The following MYRIP variants were observed in gnomAD, a reference collection of about 807,000 sequenced individuals.
MYRIP encodes myosin VIIA and Rab interacting protein.
A neutral mutation model predicts 98.0 loss-of-function variants in MYRIP; 49 were observed. The ratio of observed to expected loss-of-function variants is 0.50; its 90% CI spans 0.40 to 0.63. MYRIP has a LOEUF of 0.63. MYRIP is among the 30% of genes least tolerant of loss of function. MYRIP has a pLI of 0.00. For missense variants in MYRIP, 1,004 were observed against 1,058.2 expected (o/e 0.95, Z 0.71); for synonymous variants, 404 against 409.5 (o/e 0.99, Z 0.16).
chr3:40,043,799 A>C (rs1197311917), intron 2 of MYRIP, among the ~76,000 whole-genome samples: 1 of 152,240 alleles, frequency 6.6e-6, no homozygotes, highest in East Asian at 1.9e-4. Flanking sequence ...CTGAAATGGA[A>C]GTGATAATGT....
At chr3:39,849,020 C>A (rs537244336) in intron 1 of MYRIP, among the ~76,000 whole-genome samples, 1 of 152,278 alleles carries the variant, frequency 6.6e-6, no homozygotes, top group African/African-American at 2.4e-5. Context: ...ATGTATTCTT[C>A]CAGTTCTGTG....
intron 2 of MYRIP, among the ~76,000 whole-genome samples, chr3:40,005,713 A>T (rs775250831): frequency 1.6e-4 from 24 of 152,366 alleles, no homozygotes; most frequent in Non-Finnish European, 2.2e-4. Context: ...GAACCATGTC[A>T]TGCCCGTCTT....
chr3:39,869,308 C>T (rs1942714788), intron 1 of MYRIP, among the ~76,000 whole-genome samples: 1 of 151,954 alleles, frequency 6.6e-6, no homozygotes, highest in African/African-American at 2.4e-5. Context: ...TTCAAGTTAC[C>T]TGATTATTTC....
intron 1 of MYRIP, among the ~76,000 whole-genome samples, chr3:39,871,983 C>T (rs1327865893): frequency 6.6e-6 from 1 of 151,938 alleles, no homozygotes; most frequent in Non-Finnish European, 1.5e-5. Context: ...CTGTCACACA[C>T]CATAGATGCT....
intron 3 of MYRIP, among the ~76,000 whole-genome samples, chr3:40,147,612 A>G (rs1950036419): frequency 6.6e-6 from 1 of 152,178 alleles, no homozygotes; most frequent in Non-Finnish European, 1.5e-5. Flanking sequence ...ATGGGTCATC[A>G]TCTTTCTTCT....
intron 16 of MYRIP, among the ~76,000 whole-genome samples, chr3:40,255,188 A>G (rs187008281): frequency 6.6e-6 from 1 of 152,296 alleles, no homozygotes; most frequent in Non-Finnish European, 1.5e-5. Flanking sequence ...GCAGACCACT[A>G]GTGTCAGGGA....
intron 4 of MYRIP, among the ~76,000 whole-genome samples, chr3:40,155,061 TA>T (rs1950196061): frequency 6.6e-6 from 1 of 152,012 alleles, no homozygotes; most frequent in Non-Finnish European, 1.5e-5. Context: ...TACATATGTA[TA>T]CATGTGCCAT....
chr3:40,065,754 T>A (rs1181494678), intron 3 of MYRIP, among the ~76,000 whole-genome samples: 1 of 152,190 alleles, frequency 6.6e-6, no homozygotes, highest in African/African-American at 2.4e-5. Flanking sequence ...TGTGGCTCTG[T>A]TGTCCCCCAT....
chr3:39,944,239 G>T (rs893553351), intron 2 of MYRIP, among the ~76,000 whole-genome samples: 1 of 152,046 alleles, frequency 6.6e-6, no homozygotes, highest in Non-Finnish European at 1.5e-5. Flanking sequence ...TCCTACAGAT[G>T]TACTTCACAG....
chr3:40,066,655 C>A (rs1575509436), intron 3 of MYRIP, among the ~76,000 whole-genome samples: 1 of 152,186 alleles, frequency 6.6e-6, no homozygotes, highest in Non-Finnish European at 1.5e-5. Context: ...GAATTGAAAT[C>A]CTAAAATTTA....
Position 40,225,969 on chromosome 3 carries a change from A to G in MYRIP, c.1906-7890A>G, listed in dbSNP as rs144405822. 1.5e-3 allele frequency among the ~76,000 whole-genome samples: 225 copies of G among 152,242 alleles called. 1 individual carries two copies. Among genetic ancestry groups the G allele is most frequent in the African/African-American group, 5.2e-3 (214 of 41,532 alleles). ...GTTACCTGGATGTCCACTGTCCCTAATAGTTCCCCCTAAGGAACATTTGTA... is the reference window on the plus strand; with the variant it reads ...GTTACCTGGATGTCCACTGTCCCTAGTAGTTCCCCCTAAGGAACATTTGTA... On this transcript the variant is annotated intron_variant, in intron 11 of 16. Transcript: ENST00000302541.
chr3:39,917,169 A>G (rs1471470220), intron 2 of MYRIP, among the ~76,000 whole-genome samples: 1 of 152,042 alleles, frequency 6.6e-6, no homozygotes, highest in Non-Finnish European at 1.5e-5. Context: ...AATAGAGTCA[A>G]CATACATATG....
chr3:39,905,931 T>TCTGTCATCTGGAATCTAAATTC (rs1943868494), intron 2 of MYRIP, among the ~76,000 whole-genome samples: 1 of 152,174 alleles, frequency 6.6e-6, no homozygotes, highest in African/African-American at 2.4e-5. Flanking sequence ...GTTTGCTTTG[T>TCTGTCATCTGGAATCTAAATTC]CTGTCATCTG....
chr3:39,867,932 G>T (rs1942672666), intron 1 of MYRIP, among the ~76,000 whole-genome samples: 1 of 152,148 alleles, frequency 6.6e-6, no homozygotes, highest in South Asian at 2.1e-4. Flanking sequence ...ATGAAGAAAA[G>T]GTGAGATTGA....
At chr3:40,188,894 G>A (rs1387288435) in intron 9 of MYRIP, among the ~76,000 whole-genome samples, 1 of 152,172 alleles carries the variant, frequency 6.6e-6, no homozygotes, top group African/African-American at 2.4e-5. Context: ...AGACACGTGG[G>A]AAGAAAGCAT....
intron 1 of MYRIP, among the ~76,000 whole-genome samples, chr3:39,865,198 C>A (rs1207205452): frequency 6.6e-6 from 1 of 152,096 alleles, no homozygotes; most frequent in East Asian, 1.9e-4. Flanking sequence ...ACTATAAAAA[C>A]CTTAGACGAT....
chr3:40,153,887 A>C (rs1231354890), intron 4 of MYRIP, among the ~76,000 whole-genome samples: 2 of 152,160 alleles, frequency 1.3e-5, no homozygotes, highest in African/African-American at 4.8e-5. Flanking sequence ...CTCGCCTGTA[A>C]TCCCAGCACT....
At chr3:39,991,235 G>A (rs988054392) in intron 2 of MYRIP, among the ~76,000 whole-genome samples, 2 of 152,190 alleles carry the variant, frequency 1.3e-5, no homozygotes, top group African/African-American at 4.8e-5. Flanking sequence ...GTCCTCCAGA[G>A]ACAAAACACT....
At chr3:40,151,260 A>G (rs1950113198) in intron 4 of MYRIP, 76 bp downstream of exon 4, 2 of 1,448,262 alleles carry the variant, frequency 1.4e-6, no homozygotes, top group South Asian at 1.4e-5. Flanking sequence ...GGCCCTGAAC[A>G]CTGGAGCACA....
Sources: gnomAD v4.1 joint callset for allele counts (sites outside exome capture counted in the v4.1 genomes callset) on GRCh38, gnomAD v4.1.1 for gene constraint, MANE v1.5 for transcripts, NCBI Gene and HGNC (gene_info 2026-07-23, HGNC 2026-07-21) for gene names.